The following MLC1 variants were observed in gnomAD, a reference collection of about 807,000 sequenced individuals.
MLC1 encodes the protein membrane protein MLC1.
A neutral mutation model predicts 44.7 loss-of-function variants in MLC1; 32 were observed. The observed-to-expected ratio is 0.72, with a 90% CI of 0.54 to 0.96. The LOEUF (loss-of-function observed/expected upper bound fraction) is 0.96. MLC1 is among the 40% of genes least tolerant of loss of function. The pLI is 0.00. For missense variants in MLC1, 459 were observed against 492.2 expected, an observed-to-expected ratio of 0.93 and a Z score of 0.64; for synonymous variants, 190 against 213.0, an observed-to-expected ratio of 0.89 and a Z score of 0.94.
At chr22:50,078,318 A>C (rs1398933443) in intron 5 of MLC1, among the ~76,000 whole-genome samples, 1 of 152,176 alleles carries the variant, frequency 6.6e-6, no homozygotes, top group Non-Finnish European at 1.5e-5. Context: ...CATTTAAAAA[A>C]GAAAGAGTGC....
chr22:50,084,912 G>C lies in MLC1; in HGVS notation c.-10C>G. 6.2e-7 allele frequency: 1 copy of C among 1,609,960 alleles called. No individual in the cohort carries two copies. Among genetic ancestry groups the C allele is most frequent in the Non-Finnish European group, 8.5e-7 (1 of 1,179,996 alleles). On this transcript the variant is annotated 5_prime_UTR_variant, in exon 2 of 12. Transcript: ENST00000311597. ...ATGGCTCCTGGGTCATGGCACTTGGGGACACCACAGCTGTGCTGAATGTAC... is the reference window on the plus strand; with the variant it reads ...ATGGCTCCTGGGTCATGGCACTTGGCGACACCACAGCTGTGCTGAATGTAC...
chr22:50,072,287 A>G (rs2061871100), intron 8 of MLC1, among the ~76,000 whole-genome samples: 1 of 152,188 alleles, frequency 6.6e-6, no homozygotes, highest in Admixed American at 6.5e-5. Context: ...CTGCCCTGGA[A>G]GGGTCCAGGC....
At chr22:50,067,672 A>T (rs543618655) in intron 10 of MLC1, among the ~76,000 whole-genome samples, 9 of 105,572 alleles carry the variant, frequency 8.5e-5, no homozygotes, top group Admixed American at 4.5e-4. Flanking sequence ...TCAGACAGTG[A>T]CTCCATCCCC....
intron 9 of MLC1, among the ~76,000 whole-genome samples, chr22:50,069,787 C>T (rs1159545924): frequency 3.3e-5 from 5 of 152,228 alleles, no homozygotes; most frequent in Non-Finnish European, 7.3e-5. Flanking sequence ...TTTGACCCAT[C>T]AAGTCTCAGA....
chr22:50,072,563 C>T (rs1156423341), intron 8 of MLC1, among the ~76,000 whole-genome samples: 4 of 152,146 alleles, frequency 2.6e-5, no homozygotes, highest in Admixed American at 1.3e-4. Context: ...GAGCCACCCC[C>T]GAGGCAGGAG....
intron 5 of MLC1, among the ~76,000 whole-genome samples, chr22:50,079,332 G>T (rs2062058942): frequency 6.6e-6 from 1 of 151,434 alleles, no homozygotes; most frequent in African/African-American, 2.4e-5. Context: ...GTTCCCACTG[G>T]GTCCTCCTGT....
At chr22:50,076,949 G>T (rs374341361) in intron 6 of MLC1, 37 bp from the exon 7 acceptor site, 21 of 1,611,024 alleles carry the variant, frequency 1.3e-5, no homozygotes, top group Middle Eastern at 3.3e-4. Context: ...GGGTGCACGG[G>T]CACAGGGACT....
At chr22:50,079,886 C>G (rs1369925564) in intron 5 of MLC1, 32 bp downstream of exon 5, 1 of 1,476,936 alleles carries the variant, frequency 6.8e-7, no homozygotes, top group Admixed American at 1.7e-5. Flanking sequence ...CTGTGGGTGT[C>G]AGGCGTCTGC....
intron 11 of MLC1, among the ~76,000 whole-genome samples, chr22:50,062,112 C>T (rs2061573699): frequency 6.6e-6 from 1 of 151,352 alleles, no homozygotes; most frequent in Non-Finnish European, 1.5e-5. Context: ...CACCCTGAGC[C>T]CCAGTTGTCC....
intron 11 of MLC1, 25 bp downstream of exon 11, chr22:50,064,009 C>T: frequency 6.3e-7 from 1 of 1,582,612 alleles, no homozygotes; most frequent in Non-Finnish European, 8.6e-7. Context: ...CTCCCCAGTG[C>T]CCCCTCCCCC....
chr22:50,065,326 T>C (rs1416617145), intron 10 of MLC1, among the ~76,000 whole-genome samples: 1 of 152,094 alleles, frequency 6.6e-6, no homozygotes. Context: ...TCTTCGGTTG[T>C]TGAGACACCA....
rs376615743 is a variant in MLC1 at position 50,083,041 on chromosome 22, G to A, written c.267+43C>T. The A allele has an allele frequency of 4.2e-5, 66 of 1,575,164 alleles. No individual in the cohort carries two copies. Among genetic ancestry groups the A allele is most frequent in the Non-Finnish European group, 5.1e-5 (58 of 1,145,152 alleles). On this transcript the variant is annotated intron_variant, in intron 3 of 11. Coordinates refer to ENST00000311597, the MANE Select transcript of MLC1 (RefSeq NM_015166.4). This position sits in a 1 kb window ranked among gnomAD's most constrained non-coding sequence, Gnocchi z 4.6. The stretch of plus-strand genomic sequence containing the variant: ...GAACAAAGAAACCAGAGCACGTGCC[G>A]GCGAGCTTGGGCACTGGCAGAGGCG...
rs527883161 is a variant in MLC1, at chr22:50,061,003, C to T, written c.*580G>A. The T allele has an allele frequency of 3.2e-5, 5 of 157,750 alleles. 1 individual carries two copies. The South Asian group carries it at 5.6e-4, about 18-fold the overall frequency. The allele number at this position is 157,750 out of a possible 1,614,324, so 9.8% of individuals were successfully genotyped here. On this transcript the variant is annotated 3_prime_UTR_variant, in exon 12 of 12. Coordinates refer to ENST00000311597, the MANE Select transcript of MLC1 (RefSeq NM_015166.4). ...CCAGGCTCTGGAGGAGGGGCCCCTG[C>T]GGCTCCCGGGCCAGGACAGAGGCGC...
At chr22:50,082,346 G>T (rs2062167552) in intron 3 of MLC1, among the ~76,000 whole-genome samples, 1 of 152,234 alleles carries the variant, frequency 6.6e-6, no homozygotes, top group African/African-American at 2.4e-5. Flanking sequence ...CAGTGGCCGG[G>T]GTTCACAGAG....
intron 11 of MLC1, 101 bp downstream of exon 11, chr22:50,063,912 ACCCCTGTGGGCCACTCACCTC>A: frequency 3.9e-6 from 2 of 515,414 alleles, no homozygotes; most frequent in Non-Finnish European, 2.7e-6. Flanking sequence ...CCGGCTGGGC[ACCCCTGTGGGCCACTCACCTC>A]CCCAGCTTCC....
Position 50,084,845 on chromosome 22 carries a change from G to C in MLC1, c.58C>G (p.Arg20Gly), listed in dbSNP as rs533294413. Residue 20 changes from arginine to glycine, a missense_variant, in exon 2 of 12, where the codon CGG becomes GGG. Arg to Gly is a moderately radical substitution (Grantham distance 125). Coordinates refer to ENST00000311597, the MANE Select transcript of MLC1 (RefSeq NM_015166.4). ...LAYDRMPTLE[R>G]GRQDPASYAP... ...TAGCTGGCGGGGTCTTGCCGGCCCC[G>C]CTCCAGCGTGGGCATCCGGTCATAG... 1.2e-6 allele frequency: 2 copies of C among 1,613,568 alleles called. No individual in the cohort carries two copies. The highest frequency in any genetic ancestry group is 2.7e-5 in the African/African-American group (2 of 75,068).
At chr22:50,075,776 T>C (rs1474308001) in intron 7 of MLC1, among the ~76,000 whole-genome samples, 1 of 147,862 alleles carries the variant, frequency 6.8e-6, no homozygotes, top group Non-Finnish European at 1.5e-5. Flanking sequence ...AAATGCTAAA[T>C]AAGGGGAAGT....
chr22:50,061,783 G>C, intron 11 of MLC1, 126 bp from the exon 12 acceptor site: 1 of 848,024 alleles, frequency 1.2e-6, no homozygotes, highest in Non-Finnish European at 2.0e-6. Flanking sequence ...TGTGAAGGAA[G>C]TGGGGAAACT....
Position 50,083,235 on chromosome 22 carries a change from C to G in MLC1, c.178-62G>C, listed in dbSNP as rs1370466501. On this transcript the variant is annotated intron_variant, in intron 2 of 11. Transcript: ENST00000311597. This position sits in a 1 kb window ranked among gnomAD's most constrained non-coding sequence, Gnocchi z 4.6. ...CCCCGTCCCCAGGCTGGACCCTGAC[C>G]CTTCAACTTCTGCTTCACTGTCTGT... 3.7e-5 allele frequency: 52 copies of G among 1,423,724 alleles called. No individual in the cohort carries two copies. The highest frequency in any genetic ancestry group is 4.7e-5 in the Non-Finnish European group (47 of 1,009,602). 88.2% of individuals were successfully genotyped at this position (1,423,724 alleles called of 1,614,324 possible).
Sources: allele counts gnomAD v4.1 joint callset (sites outside exome capture counted in the v4.1 genomes callset), GRCh38; gene constraint gnomAD v4.1.1; non-coding constraint Gnocchi (gnomAD v3.1); transcripts MANE v1.5; gene names NCBI Gene and HGNC (gene_info 2026-07-23, HGNC 2026-07-21).